Variants in RBP7 observed in about 807,000 individuals in gnomAD.
RBP7 encodes the protein retinol binding protein 7.
RBP7 carries 13 observed loss-of-function variants against 16.7 expected under a neutral mutation model. The observed-to-expected ratio is 0.78, with a 90% CI of 0.51 to 1.24. The LOEUF (loss-of-function observed/expected upper bound fraction) is 1.24. Among genes scored for constraint, RBP7 ranks in the 50% most tolerant of loss-of-function variants. The pLI is 0.00. For synonymous variants in RBP7, 54 were observed against 56.2 expected (o/e 0.96, Z 0.17); for missense variants, 145 against 159.5 (o/e 0.91, Z 0.49).
At chr1:10,001,141 C>G (rs1036039491) in intron 1 of RBP7, among the ~76,000 whole-genome samples, 4 of 152,146 alleles carry the variant, frequency 2.6e-5, no homozygotes, top group African/African-American at 9.7e-5. Context: ...ATGATGTGCT[C>G]CAGCTGGCAT....
intron 1 of RBP7, among the ~76,000 whole-genome samples, chr1:10,001,695 C>A (rs2101732571): frequency 6.6e-6 from 1 of 152,266 alleles, no homozygotes; most frequent in South Asian, 2.1e-4. Context: ...CAGATATTGA[C>A]TAACTTGTGC....
At chr1:10,005,869 C>A (rs1266760696) in intron 1 of RBP7, among the ~76,000 whole-genome samples, 1 of 151,962 alleles carries the variant, frequency 6.6e-6, no homozygotes, top group Non-Finnish European at 1.5e-5. Context: ...GGCAGAATCA[C>A]GTCTCATCTC....
intron 1 of RBP7, chr1:10,004,065 ATTTT>A (rs56955055): frequency 7.7e-4 from 64 of 83,188 alleles, no homozygotes; most frequent in East Asian, 2.4e-3. Context: ...CTGCCTCACA[ATTTT>A]TTTTTTTTTT....
chr1:10,014,774 A>C lies in RBP7; in HGVS notation c.355-1008A>C, dbSNP rs141581635. Among the ~76,000 whole-genome samples the C allele has an allele frequency of 5.9e-5, 9 of 152,262 alleles. No homozygotes were observed. The East Asian group carries it at 1.7e-3, about 29-fold the overall frequency. ...GTTTTGTGAGCCCTTCTAGCAAATT[A>C]TCAAGCCCGAGGAGGGGTTGTGGGA... On this transcript the variant is annotated intron_variant, in intron 3 of 3. Coordinates refer to ENST00000294435, the MANE Select transcript of RBP7 (RefSeq NM_052960.3).
At chr1:10,015,116 G>C (rs1365595558) in intron 3 of RBP7, among the ~76,000 whole-genome samples, 1 of 152,030 alleles carries the variant, frequency 6.6e-6, no homozygotes, top group Non-Finnish European at 1.5e-5. Context: ...CGGAGGGCAA[G>C]GCAGGAAAAT....
chr1:9,997,286 A>C lies in RBP7; in HGVS notation c.28A>C (p.Thr10Pro). The change falls in exon 1 of 4, where the codon ACC (threonine) becomes CCC (proline). Residue 10 changes from threonine (T) to proline (P), a missense_variant. By Grantham distance (38) the Thr-to-Pro change is conservative (BLOSUM62 -1). Coordinates refer to ENST00000294435, the MANE Select transcript of RBP7 (RefSeq NM_052960.3). The surrounding 1 kb of genome is among the most constrained non-coding windows in gnomAD (Gnocchi z 5.9). MPADLSGTW[T>P]LLSSDNFEGY... ...GCCCGCCGACCTCAGCGGTACTTGG[A>C]CCCTGCTCAGCAGCGACAACTTCGA... The C allele has an allele frequency of 6.2e-7, 1 of 1,608,240 alleles. No individual in the cohort carries two copies. Among genetic ancestry groups the C allele is most frequent in the Non-Finnish European group, 8.5e-7 (1 of 1,177,850 alleles).
chr1:10,009,523 T>TA (rs1034064737), intron 3 of RBP7, among the ~76,000 whole-genome samples: 2 of 81,820 alleles, frequency 2.4e-5, no homozygotes, highest in African/African-American at 2.2e-4. Context: ...AATGTCTTAT[T>TA]TTTTTTTTTT....
intron 1 of RBP7, among the ~76,000 whole-genome samples, chr1:9,999,083 A>G (rs1642222714): frequency 6.6e-6 from 1 of 152,128 alleles, no homozygotes; most frequent in Admixed American, 6.6e-5. Flanking sequence ...TTCTGGTGGT[A>G]GTGAATGTCT....
chr1:10,008,170 CAG>C lies in RBP7; in HGVS notation c.253_254del, dbSNP rs1218588054. On this transcript the variant is annotated splice_acceptor_variant, in intron 2 of 3. Transcript: ENST00000294435. LOFTEE classifies it high-confidence loss of function. ...GCTAACATTTTCTCCTCTCTTCATG[CAG>C]AGTTTGGTTATCTGGGACAATGACA... is the stretch of plus-strand genomic sequence containing the variant. 1.3e-6 allele frequency: 2 copies of C among 1,589,854 alleles called. No individual in the cohort carries two copies. The highest frequency in any genetic ancestry group is 2.2e-5 in the South Asian group (2 of 90,542).
chr1:9,998,407 C>CTTTTTTTTTTT (rs772810621), intron 1 of RBP7, among the ~76,000 whole-genome samples: 7 of 121,588 alleles, frequency 5.8e-5, no homozygotes, highest in African/African-American at 2.0e-4. Flanking sequence ...TTCTTTCTTT[C>CTTTTTTTTTTT]TTTTTTTTTT....
At chr1:10,012,672 C>T (rs1322771508) in intron 3 of RBP7, among the ~76,000 whole-genome samples, 1 of 151,196 alleles carries the variant, frequency 6.6e-6, no homozygotes, top group Admixed American at 6.6e-5. Flanking sequence ...GTGGCTCACA[C>T]CTGTAATCCC....
chr1:10,007,918 C>T (rs1276947267), intron 2 of RBP7, among the ~76,000 whole-genome samples, 170 bp downstream of exon 2: 4 of 151,876 alleles, frequency 2.6e-5, no homozygotes, highest in Non-Finnish European at 4.4e-5. Context: ...GGCGTGCTGG[C>T]AGGAGCCTGT....
In RBP7 at chr1:10,005,568, G is replaced by GT. The variant is rs891785466; in HGVS notation, c.74-1989dup. ...TTTATTTTTGGTTGTTGTTGTTTGG[G>GT]TTTTTTTTTTTTTGAGACGGAGTCT... On this transcript the variant is annotated intron_variant, in intron 1 of 3. Coordinates refer to ENST00000294435, the MANE Select transcript of RBP7 (RefSeq NM_052960.3). Among the ~76,000 whole-genome samples, 1,463 of 143,466 alleles carry GT rather than the reference G, an allele frequency of 0.01. 34 individuals carry two copies. The East Asian group carries it at 0.1, about 10-fold the overall frequency. 94.1% of individuals were successfully genotyped at this position (143,466 alleles called of 152,430 possible). A position where few individuals can be genotyped will look rare whatever the true frequency, so the allele number is the denominator to read the frequency against.
intron 3 of RBP7, among the ~76,000 whole-genome samples, chr1:10,008,888 A>T (rs1365854311): frequency 6.6e-6 from 1 of 152,194 alleles, no homozygotes; most frequent in Non-Finnish European, 1.5e-5. Flanking sequence ...CTTACCTATT[A>T]TATGTAATAG....
At chr1:10,011,534 G>T (rs1470433465) in intron 3 of RBP7, among the ~76,000 whole-genome samples, 1 of 152,112 alleles carries the variant, frequency 6.6e-6, no homozygotes, top group Non-Finnish European at 1.5e-5. Context: ...TGTGAATTAC[G>T]TATTTTCACA....
chr1:10,000,940 T>C (rs967444169), intron 1 of RBP7, among the ~76,000 whole-genome samples: 1 of 152,270 alleles, frequency 6.6e-6, no homozygotes, highest in Middle Eastern at 3.4e-3. Flanking sequence ...TTTACCATCT[T>C]GGCCAGGCTG....
At chr1:10,003,887 C>T (rs1642345928) in intron 1 of RBP7, among the ~76,000 whole-genome samples, 1 of 151,984 alleles carries the variant, frequency 6.6e-6, no homozygotes, top group Non-Finnish European at 1.5e-5. Context: ...TCCCGAGTAG[C>T]TGGGATTACA....
chr1:9,997,858 G>T lies in RBP7; in HGVS notation c.73+527G>T, dbSNP rs2101729593. On this transcript the variant is annotated intron_variant, in intron 1 of 3. Coordinates refer to ENST00000294435, the MANE Select transcript of RBP7 (RefSeq NM_052960.3). This position sits in a 1 kb window ranked among gnomAD's most constrained non-coding sequence, Gnocchi z 5.9. ...CAGCAGCCTCGGCGCACCCGGAGCG[G>T]GTCGGGGATGCAGAATCCTGGAGCC... is the stretch of plus-strand genomic sequence containing the variant. Among the ~76,000 whole-genome samples, 1 of 152,200 alleles carries T rather than the reference G, an allele frequency of 6.6e-6. No individual in the cohort carries two copies. The highest frequency in any genetic ancestry group is 2.1e-4 in the South Asian group (1 of 4,834).
Position 9,997,380 on chromosome 1 carries a change from G to C in RBP7, c.73+49G>C, listed in dbSNP as rs1642193095. The stretch of plus-strand genomic sequence containing the variant: ...CGGCGCGAGGCTCGCCGTGGGTCTC[G>C]GGATCAGGCGAAGGCGGCCGGGCCG... On this transcript the variant is annotated intron_variant, in intron 1 of 3. Transcript: ENST00000294435. The surrounding 1 kb of genome is among the most constrained non-coding windows in gnomAD (Gnocchi z 5.9). 6.3e-7 allele frequency: 1 copy of C among 1,581,698 alleles called. No individual in the cohort carries two copies. Among genetic ancestry groups the C allele is most frequent in the Non-Finnish European group, 8.7e-7 (1 of 1,155,226 alleles).
Sources: allele counts gnomAD v4.1 joint callset (sites outside exome capture counted in the v4.1 genomes callset), GRCh38; gene constraint gnomAD v4.1.1; non-coding constraint Gnocchi (gnomAD v3.1); transcripts MANE v1.5; gene names NCBI Gene and HGNC (gene_info 2026-07-23, HGNC 2026-07-21).